Variants in RAB3IP observed in about 807,000 individuals in gnomAD.
RAB3IP encodes the protein rab-3A-interacting protein.
A neutral mutation model predicts 59.1 loss-of-function variants in RAB3IP; 36 were observed. The observed-to-expected ratio is 0.61, with a 90% CI of 0.47 to 0.80. The LOEUF (loss-of-function observed/expected upper bound fraction) is 0.80, where lower values mean the gene tolerates loss of function less well. Ranked by LOEUF, RAB3IP falls within the 30% of genes least tolerant of loss-of-function variation. The pLI is 0.00. For synonymous variants in RAB3IP, 207 were observed against 191.2 expected (o/e 1.08, Z -0.68); for missense variants, 511 against 536.0 (o/e 0.95, Z 0.46).
Position 69,738,995 on chromosome 12 carries a change from C to T in RAB3IP, c.-62C>T, listed in dbSNP as rs1322344020. The T allele has an allele frequency of 1.3e-5, 2 of 152,130 alleles. No individual in the cohort carries two copies. Among genetic ancestry groups the T allele is most frequent in the African/African-American group, 2.4e-5 (1 of 41,432 alleles). 9.4% of individuals were successfully genotyped at this position (152,130 alleles called of 1,614,324 possible). A position where few individuals can be genotyped will look rare whatever the true frequency, so the allele number is the denominator to read the frequency against. ...GCGCTCTCTGCGGCTCTGTGAGCGC[C>T]CCTGAGCGCCGGCAGCGGCCGCGGT... On this transcript the variant is annotated 5_prime_UTR_variant, in exon 1 of 11. Transcript: ENST00000247833.
At chr12:69,779,113 C>T (rs1158134915) in intron 3 of RAB3IP, 2 of 121,808 alleles carry the variant, frequency 1.6e-5, no homozygotes, top group East Asian at 2.4e-4. Context: ...GATATAGTCT[C>T]GTGGTGCGCC....
chr12:69,771,527 CA>C (rs34718968), intron 3 of RAB3IP, among the ~76,000 whole-genome samples: 169 of 135,294 alleles, frequency 1.2e-3, no homozygotes, highest in Non-Finnish European at 1.0e-3. Flanking sequence ...ACCCTGTCTC[CA>C]AAAAAAAAAA....
intron 2 of RAB3IP, 81 bp from the exon 3 acceptor site, chr12:69,756,319 TAGTAC>T: frequency 7.4e-7 from 1 of 1,356,762 alleles, no homozygotes; most frequent in East Asian, 2.3e-5. Context: ...CCAAATTGGG[TAGTAC>T]AGTTCTAGAG....
intron 8 of RAB3IP, among the ~76,000 whole-genome samples, chr12:69,803,215 T>C (rs1040804027): frequency 2.0e-5 from 3 of 152,184 alleles, no homozygotes; most frequent in Admixed American, 1.3e-4. Context: ...AGTTTAGATT[T>C]AGAGAACAGT....
chr12:69,739,876 T>A lies in RAB3IP; in HGVS notation c.-26+845T>A, dbSNP rs111481068. On this transcript the variant is annotated intron_variant, in intron 1 of 10. Coordinates refer to ENST00000247833, the MANE Select transcript of RAB3IP (RefSeq NM_022456.5). ...GATTAAAAAAGATGAAAGGGTAAGGTCTTGAAAGACACGAGCGCTGAGTTA... is the reference window on the plus strand; with the variant it reads ...GATTAAAAAAGATGAAAGGGTAAGGACTTGAAAGACACGAGCGCTGAGTTA... The A allele has an allele frequency of 8.4e-5, 135 of 1,613,818 alleles. 1 individual carries two copies. In the African/African-American group the frequency reaches 1.5e-3, roughly 18 times the overall value.
Position 69,761,853 on chromosome 12 carries a change from A to G in RAB3IP, c.510+5190A>G, listed in dbSNP as rs111571900. Among the ~76,000 whole-genome samples the G allele has an allele frequency of 4.1e-4, 63 of 152,314 alleles. 1 individual carries two copies. Among genetic ancestry groups the G allele is most frequent in the African/African-American group, 1.4e-3 (60 of 41,572 alleles). Reference sequence around the variant, plus strand: ...ATTTAACACTCTGAAGCAGATGTTCATAGTTGGTAGGCAGTTCTCTGTGAA... The same window carrying G: ...ATTTAACACTCTGAAGCAGATGTTCGTAGTTGGTAGGCAGTTCTCTGTGAA... On this transcript the variant is annotated intron_variant, in intron 3 of 10. Coordinates refer to ENST00000247833, the MANE Select transcript of RAB3IP (RefSeq NM_022456.5).
At chr12:69,793,652 G>T (rs555772456) in intron 4 of RAB3IP, among the ~76,000 whole-genome samples, 7 of 151,940 alleles carry the variant, frequency 4.6e-5, no homozygotes, top group East Asian at 3.9e-4. Flanking sequence ...AAACTGTAAG[G>T]CTTCATATTG....
intron 3 of RAB3IP, among the ~76,000 whole-genome samples, chr12:69,757,937 T>C (rs2136133006): frequency 1.3e-5 from 2 of 152,386 alleles, no homozygotes; most frequent in South Asian, 4.1e-4. Flanking sequence ...GAATTTCCTT[T>C]GAAATCTCTA....
intron 4 of RAB3IP, among the ~76,000 whole-genome samples, chr12:69,790,868 G>A (rs1876491842): frequency 1.3e-5 from 2 of 152,176 alleles, no homozygotes; most frequent in South Asian, 4.1e-4. Flanking sequence ...ACAGGCGTGA[G>A]CCACTATGCC....
At chr12:69,755,278 T>G (rs540269080) in intron 1 of RAB3IP, 106 bp from the exon 2 acceptor site, 1 of 1,027,618 alleles carries the variant, frequency 9.7e-7, no homozygotes, top group East Asian at 2.6e-5. Context: ...ATTGTAAGCT[T>G]ATAATTTACA....
Position 69,822,699 on chromosome 12 carries a change from A to T in RAB3IP, c.*7253A>T, listed in dbSNP as rs182679478. 3 of 152,294 alleles carry T rather than the reference A, an allele frequency of 2.0e-5. No individual in the cohort carries two copies. The highest frequency in any genetic ancestry group is 7.2e-5 in the African/African-American group (3 of 41,556). The allele number at this position is 152,294 out of a possible 1,614,324, so 9.4% of individuals were successfully genotyped here. On this transcript the variant is annotated 3_prime_UTR_variant, in exon 11 of 11. Transcript: ENST00000247833. ...GGAATGTTCTCAACACAAATGATAA[A>T]TGTTTGAGGTGATGGATACCCCAAT...
intron 1 of RAB3IP, among the ~76,000 whole-genome samples, chr12:69,750,190 T>C (rs1203243918): frequency 6.6e-6 from 1 of 152,186 alleles, no homozygotes; most frequent in South Asian, 2.1e-4. Context: ...ATTTAGTAAG[T>C]GCTCAACGAA....
At chr12:69,803,917 G>A (rs1187809537) in intron 8 of RAB3IP, among the ~76,000 whole-genome samples, 3 of 152,168 alleles carry the variant, frequency 2.0e-5, no homozygotes, top group Non-Finnish European at 2.9e-5. Context: ...ATTTGGGTTG[G>A]TTCCAAGTCT....
At chr12:69,805,305 A>G (rs921927129) in intron 8 of RAB3IP, among the ~76,000 whole-genome samples, 33 of 151,992 alleles carry the variant, frequency 2.2e-4, no homozygotes, top group African/African-American at 6.3e-4. Flanking sequence ...TTTGTCTGTT[A>G]TTGGTGTATA....
intron 4 of RAB3IP, among the ~76,000 whole-genome samples, chr12:69,793,227 A>G (rs1016491826): frequency 1.3e-5 from 2 of 152,242 alleles, no homozygotes; most frequent in Non-Finnish European, 2.9e-5. Context: ...TCATTTTGCT[A>G]TAAATCATTG....
At chr12:69,746,686 T>C (rs1308286263) in intron 1 of RAB3IP, among the ~76,000 whole-genome samples, 3 of 152,204 alleles carry the variant, frequency 2.0e-5, no homozygotes, top group Non-Finnish European at 2.9e-5. Context: ...GTATTTAATA[T>C]GTATAATAAA....
chr12:69,754,454 A>C (rs1330019055), intron 1 of RAB3IP, among the ~76,000 whole-genome samples: 1 of 152,126 alleles, frequency 6.6e-6, no homozygotes, highest in Admixed American at 6.5e-5. Flanking sequence ...ACAATTTCAT[A>C]ATCTGGGTGA....
rs56046163 is a variant in RAB3IP at position 69,766,975 on chromosome 12, C to G, written c.510+10312C>G. On this transcript the variant is annotated intron_variant, in intron 3 of 10. Coordinates refer to ENST00000247833, the MANE Select transcript of RAB3IP (RefSeq NM_022456.5). Reference sequence around the variant, plus strand: ...GTTTTGAATTCTTTATCTGTCATTTCTGAGTTCACATTTTAGTTAAGAACT... The same window carrying G: ...GTTTTGAATTCTTTATCTGTCATTTGTGAGTTCACATTTTAGTTAAGAACT... Among the ~76,000 whole-genome samples the G allele has an allele frequency of 9.5e-4, 145 of 152,304 alleles. 1 individual carries two copies. Among genetic ancestry groups the G allele is most frequent in the Non-Finnish European group, 1.9e-3 (127 of 68,016 alleles).
intron 3 of RAB3IP, among the ~76,000 whole-genome samples, chr12:69,770,852 ATTGT>A (rs1448324494): frequency 3.3e-5 from 5 of 152,232 alleles, no homozygotes; most frequent in African/African-American, 1.2e-4. Context: ...TCAAATATTT[ATTGT>A]TTCTTTGTGA....
Sources: gnomAD v4.1 joint callset for allele counts (sites outside exome capture counted in the v4.1 genomes callset) on GRCh38, gnomAD v4.1.1 for gene constraint, MANE v1.5 for transcripts, NCBI Gene and HGNC (gene_info 2026-07-23, HGNC 2026-07-21) for gene names.